LIPC: variants seen among roughly 807,000 people sequenced by gnomAD.
LIPC encodes lipase C, hepatic type, also known as hepatic triacylglycerol lipase.
LIPC carries 44 observed loss-of-function variants against 50.7 expected under a neutral mutation model. The observed-to-expected ratio is 0.87, with a 90% CI of 0.68 to 1.11. The LOEUF is 1.11. Among genes scored for constraint, LIPC ranks in the 50% most tolerant of loss-of-function variants. LIPC has a pLI of 0.00. For synonymous variants in LIPC, 271 were observed against 256.4 expected (o/e 1.06, Z -0.54); for missense variants, 697 against 648.2 (o/e 1.08, Z -0.82).
chr15:58,546,090 C>T, intron 5 of LIPC, 115 bp downstream of exon 5: 1 of 927,066 alleles, frequency 1.1e-6, no homozygotes, highest in South Asian at 1.4e-5. Context: ...AGGATAGGGG[C>T]CCAGGGTGTA....
At chr15:58,460,136 C>G (rs898011165) in intron 1 of LIPC, among the ~76,000 whole-genome samples, 1 of 152,194 alleles carries the variant, frequency 6.6e-6, no homozygotes, top group African/African-American at 2.4e-5. Context: ...GAGCATTGTT[C>G]AAGCCGATGA....
chr15:58,541,760 G>A (rs756346727), intron 2 of LIPC, 25 bp from the exon 3 acceptor site: 30 of 1,609,786 alleles, frequency 1.9e-5, no homozygotes, highest in Non-Finnish European at 2.2e-5. Context: ...AAACTAGTGC[G>A]ACCCTCCCTC....
At chr15:58,525,324 A>G (rs1403968342) in intron 1 of LIPC, among the ~76,000 whole-genome samples, 2 of 152,232 alleles carry the variant, frequency 1.3e-5, no homozygotes, top group African/African-American at 4.8e-5. Flanking sequence ...TCCTGTATAC[A>G]CAGCTTGAAT....
chr15:58,567,581 T>C (rs1332655285), intron 8 of LIPC, among the ~76,000 whole-genome samples: 1 of 151,892 alleles, frequency 6.6e-6, no homozygotes. Context: ...ATAAATACTA[T>C]ACATAATAAG....
intron 1 of LIPC, among the ~76,000 whole-genome samples, chr15:58,506,439 A>T: frequency 6.6e-6 from 1 of 152,140 alleles, no homozygotes; most frequent in Non-Finnish European, 1.5e-5. Flanking sequence ...GACAGTCCAG[A>T]TCAGGAGAGA....
At chr15:58,508,698 C>G (rs1892239020) in intron 1 of LIPC, among the ~76,000 whole-genome samples, 1 of 146,696 alleles carries the variant, frequency 6.8e-6, no homozygotes, top group Admixed American at 6.9e-5. Context: ...CTGACATAGT[C>G]CCCAACAAGG....
At chr15:58,494,067 C>A (rs1330155817) in intron 1 of LIPC, among the ~76,000 whole-genome samples, 1 of 152,210 alleles carries the variant, frequency 6.6e-6, no homozygotes, top group Non-Finnish European at 1.5e-5. Flanking sequence ...TTGGCAGGCC[C>A]CAGATCCCTG....
At chr15:58,524,681 T>C (rs563058563) in intron 1 of LIPC, among the ~76,000 whole-genome samples, 17 of 152,352 alleles carry the variant, frequency 1.1e-4, no homozygotes, top group African/African-American at 3.8e-4. Context: ...TCTTTTCATA[T>C]GTCAAAGGGC....
chr15:58,497,088 G>A (rs941807859), intron 1 of LIPC, among the ~76,000 whole-genome samples: 4 of 152,250 alleles, frequency 2.6e-5, no homozygotes, highest in African/African-American at 9.6e-5. Context: ...CCATTGGGAA[G>A]ATGGCAGTAG....
intron 1 of LIPC, among the ~76,000 whole-genome samples, chr15:58,441,992 C>T (rs749605984): frequency 6.6e-5 from 10 of 152,160 alleles, no homozygotes; most frequent in African/African-American, 1.2e-4. Context: ...GTCTGGCTGA[C>T]GGCAGAGCTG....
intron 1 of LIPC, among the ~76,000 whole-genome samples, chr15:58,488,356 C>A (rs1443215055): frequency 6.6e-6 from 1 of 152,206 alleles, no homozygotes; most frequent in Non-Finnish European, 1.5e-5. Context: ...GACCACTGAA[C>A]TACATGGAGG....
At chr15:58,567,296 T>TATAC (rs1179241346) in intron 8 of LIPC, among the ~76,000 whole-genome samples, 4 of 38,688 alleles carry the variant, frequency 1.0e-4, no homozygotes, top group Non-Finnish European at 2.5e-4. Context: ...TATATATACA[T>TATAC]ATATATATAC....
chr15:58,459,250 C>G (rs774450261), intron 1 of LIPC, among the ~76,000 whole-genome samples: 1 of 152,078 alleles, frequency 6.6e-6, no homozygotes, highest in African/African-American at 2.4e-5. Context: ...TTGGCTTTTC[C>G]CAGCAAGCAG....
Position 58,563,553 on chromosome 15 carries a change from G to C in LIPC, c.1218G>C (p.Leu406=), listed in dbSNP as rs1436472973. 8 of 1,614,094 alleles carry C rather than the reference G, an allele frequency of 5.0e-6. No individual in the cohort carries two copies. The highest frequency in any genetic ancestry group is 6.8e-6 in the Non-Finnish European group (8 of 1,180,044). ...SNKTYSFLIT[L]DVDIGELIMI... is the part of the protein sequence containing the mutation. Reference sequence around the variant, plus strand: ...AAACGTATTCCTTTCTTATCACGCTGGATGTGGATATCGGCGAGCTGATCA... The same window carrying C: ...AAACGTATTCCTTTCTTATCACGCTCGATGTGGATATCGGCGAGCTGATCA... The change falls in exon 8 of 9, where the codon CTG becomes CTC. Residue 406 remains leucine, a synonymous_variant. Transcript: ENST00000299022.
rs951641726 is a variant in LIPC, at chr15:58,542,440, C to T, written c.457-94C>T. ...AAGGCACCTCATTTCTGAGCAGGCA[C>T]GAAGAACAGGGTGGGCGCCACAACA... On this transcript the variant is annotated intron_variant, in intron 3 of 8. Coordinates refer to ENST00000299022, the MANE Select transcript of LIPC (RefSeq NM_000236.3). The T allele has an allele frequency of 9.5e-5, 79 of 828,936 alleles. No homozygotes were observed. The East Asian group carries it at 1.1e-3, about 11-fold the overall frequency. The allele number at this position is 828,936 out of a possible 1,614,324, so 51.3% of individuals were successfully genotyped here.
chr15:58,463,667 C>T (rs762277735), intron 1 of LIPC, among the ~76,000 whole-genome samples: 14 of 152,136 alleles, frequency 9.2e-5, no homozygotes, highest in South Asian at 2.1e-4. Context: ...GGTATTCACC[C>T]GCTCCACTCC....
chr15:58,490,627 A>C lies in LIPC; in HGVS notation c.89-47706A>C, dbSNP rs147692623. Among the ~76,000 whole-genome samples, 469 of 152,290 alleles carry C rather than the reference A, an allele frequency of 3.1e-3. 3 individuals are homozygous for C. The highest frequency in any genetic ancestry group is 0.01 in the African/African-American group (431 of 41,548). On this transcript the variant is annotated intron_variant, in intron 1 of 8. Coordinates refer to ENST00000299022, the MANE Select transcript of LIPC (RefSeq NM_000236.3). ...TTCCCCTCATAGTTTCACAACCTCT[A>C]ATCTGCCACTCTCCAGTGAATATAA... is the stretch of plus-strand genomic sequence containing the variant.
chr15:58,492,706 C>G (rs764381104), intron 1 of LIPC, among the ~76,000 whole-genome samples: 3 of 152,166 alleles, frequency 2.0e-5, no homozygotes, highest in Non-Finnish European at 4.4e-5. Context: ...CCAATCTCCA[C>G]CTGGTGCCTG....
At chr15:58,568,219 C>T (rs1187753894) in intron 8 of LIPC, among the ~76,000 whole-genome samples, 3 of 152,160 alleles carry the variant, frequency 2.0e-5, no homozygotes, top group Non-Finnish European at 4.4e-5. Context: ...AGGGGCAGGG[C>T]TTACAGGGCT....
Sources: gnomAD v4.1 joint callset for allele counts (sites outside exome capture counted in the v4.1 genomes callset) on GRCh38, gnomAD v4.1.1 for gene constraint, MANE v1.5 for transcripts, NCBI Gene and HGNC (gene_info 2026-07-23, HGNC 2026-07-21) for gene names.